BRCA2: variants seen among roughly 807,000 people sequenced by gnomAD.
The protein encoded by BRCA2 is BRCA2 DNA repair associated.
A neutral mutation model predicts 276.7 loss-of-function variants in BRCA2; 203 were observed. The observed-to-expected ratio is 0.73, with a 90% CI of 0.65 to 0.82. The LOEUF (loss-of-function observed/expected upper bound fraction) is 0.82. Ranked by LOEUF, BRCA2 falls within the 40% of genes least tolerant of loss-of-function variation. The pLI is 0.00. For missense variants in BRCA2, 3,920 were observed against 3,915.0 expected (o/e 1.00, Z -0.03); for synonymous variants, 1,289 against 1,338.4 (o/e 0.96, Z 0.81).
chr13:32,392,858 C>T (rs2073006941), intron 24 of BRCA2, among the ~76,000 whole-genome samples: 1 of 152,128 alleles, frequency 6.6e-6, no homozygotes. Flanking sequence ...TGCATTTAGT[C>T]ATTTTTCCCC....
intron 24 of BRCA2, among the ~76,000 whole-genome samples, chr13:32,389,458 G>A (rs577737629): frequency 2.6e-5 from 4 of 152,010 alleles, no homozygotes; most frequent in African/African-American, 9.6e-5. Context: ...TTTCTTTTAG[G>A]CAATTTTTGA....
At position 32,379,299 on chromosome 13, in the gene BRCA2, T is replaced by C. The variant is rs765765094; in HGVS notation, c.8755-18T>C. On this transcript the variant is annotated intron_variant, in intron 21 of 26. Transcript: ENST00000380152. ...TTGTTCTGATTGCTTTTTATTCCAA[T>C]ATCTTAAATGGTCACAGGGTTATTT... The C allele has an allele frequency of 2.7e-5, 44 of 1,612,850 alleles. 1 individual carries two copies. In the South Asian group the frequency reaches 4.8e-4, roughly 18 times the overall value.
At chr13:32,346,692 C>A in intron 12 of BRCA2, 135 bp from the exon 13 acceptor site, 1 of 622,538 alleles carries the variant, frequency 1.6e-6, no homozygotes. Context: ...TCATAGTTAA[C>A]ATTTATTGAG....
chr13:32,378,850 T>C (rs2072891560), intron 21 of BRCA2, among the ~76,000 whole-genome samples: 1 of 152,184 alleles, frequency 6.6e-6, no homozygotes. Context: ...GGAATTATAC[T>C]CCTGGGGCTA....
rs1443102794 is a variant in BRCA2, at chr13:32,339,516, A to G, written c.5161A>G (p.Asn1721Asp). The G allele has an allele frequency of 1.3e-6, 2 of 1,591,874 alleles. No homozygotes were observed. Among genetic ancestry groups the G allele is most frequent in the Admixed American group, 1.8e-5 (1 of 55,150 alleles). Residue 1721 changes from asparagine to aspartate, a missense_variant, in exon 11 of 27, where the codon AAC (asparagine) becomes GAC (aspartate). Physicochemically the swap from Asn to Asp is conservative, Grantham distance 23 (BLOSUM62 1). Around this residue, in one of 2 missense-constraint regions of BRCA2, gnomAD observed 3,263 missense variants for 3,156.9 expected, o/e 1.03. Coordinates refer to ENST00000380152, the MANE Select transcript of BRCA2 (RefSeq NM_000059.4). ...AAATTATTTGTATGAAAATAATTCA[A>G]ACAGTACTATAGCTGAAAATGACAA... ...VGNYLYENNS[N>D]STIAENDKNH... is the part of the protein sequence containing the mutation.
chr13:32,336,566 A>G lies in BRCA2; in HGVS notation c.2211A>G (p.Ala737=), dbSNP rs587780647. 1 of 1,614,108 alleles carries G rather than the reference A, an allele frequency of 6.2e-7. No individual in the cohort carries two copies. Among genetic ancestry groups the G allele is most frequent in the Non-Finnish European group, 8.5e-7 (1 of 1,179,982 alleles). The change falls in exon 11 of 27, where the codon GCA becomes GCG. Residue 737 remains alanine (A), a synonymous_variant. Coordinates refer to ENST00000380152, the MANE Select transcript of BRCA2 (RefSeq NM_000059.4). ...SDIKEEVLAA[A]CHPVQHSKVE... Reference sequence around the variant, plus strand: ...TAAAAGAAGAGGTCTTGGCTGCAGCATGTCACCCAGTACAACATTCAAAAG... The same window carrying G: ...TAAAAGAAGAGGTCTTGGCTGCAGCGTGTCACCCAGTACAACATTCAAAAG...
chr13:32,355,120 G>A lies in BRCA2; in HGVS notation c.7267G>A (p.Val2423Ile), dbSNP rs1393996926. Reference sequence around the variant, plus strand: ...ACATTTTCACAGAGTTGAACAGTGTGTTAGGAATATTAACTTGGAGGAAAA... The same window carrying A: ...ACATTTTCACAGAGTTGAACAGTGTATTAGGAATATTAACTTGGAGGAAAA... ...KSHFHRVEQC[V>I]RNINLEENRQ... Residue 2423 changes from valine (V) to isoleucine (I), a missense_variant, in exon 14 of 27, where the codon GTT becomes ATT. This residue lies in a region of BRCA2 where 3,263 missense variants were observed against 3,156.9 expected (regional missense o/e 1.03). Transcript: ENST00000380152. 4 of 1,613,262 alleles carry A rather than the reference G, an allele frequency of 2.5e-6. No individual in the cohort carries two copies. In the South Asian group the frequency reaches 3.3e-5, roughly 13 times the overall value.
chr13:32,392,160 A>G (rs2073001017), intron 24 of BRCA2, among the ~76,000 whole-genome samples: 1 of 152,256 alleles, frequency 6.6e-6, no homozygotes. Context: ...AAGAAAGAAA[A>G]GATGAACCAT....
At chr13:32,383,130 G>GTGGGTGTAATCCAGCACTT (rs1221921999) in intron 24 of BRCA2, among the ~76,000 whole-genome samples, 1 of 152,226 alleles carries the variant, frequency 6.6e-6, no homozygotes, top group East Asian at 1.9e-4. Context: ...GGAGGCCAAG[G>GTGGGTGTAATCCAGCACTT]TGGGTGGATC....
rs946482152 is a variant in BRCA2, at chr13:32,400,024, G to A, written c.*1254G>A. On this transcript the variant is annotated 3_prime_UTR_variant, in exon 27 of 27. Transcript: ENST00000380152. The stretch of plus-strand genomic sequence containing the variant: ...TGGTCTCAAACTCCTGATGTCAGGT[G>A]ATCCATCTGCCTCAGCCTCCCAAAG... 1 of 152,198 alleles carries A rather than the reference G, an allele frequency of 6.6e-6. No homozygotes were observed. Among genetic ancestry groups the A allele is most frequent in the African/African-American group, 2.4e-5 (1 of 41,420 alleles). The allele number at this position is 152,198 out of a possible 1,614,324, so 9.4% of individuals were successfully genotyped here. A position where few individuals can be genotyped will look rare whatever the true frequency, so the allele number is the denominator to read the frequency against.
At chr13:32,357,130 C>T (rs535425006) in intron 15 of BRCA2, among the ~76,000 whole-genome samples, 7 of 152,300 alleles carry the variant, frequency 4.6e-5, no homozygotes, top group African/African-American at 1.7e-4. Flanking sequence ...TCCTCACAGT[C>T]ACCTTGAAAG....
chr13:32,377,309 T>G (rs977444797), intron 21 of BRCA2, among the ~76,000 whole-genome samples: 4 of 152,170 alleles, frequency 2.6e-5, no homozygotes, highest in African/African-American at 9.7e-5. Flanking sequence ...ATAAAATAGC[T>G]GGCCAGGCGC....
intron 1 of BRCA2, 50 bp from the exon 2 acceptor site, chr13:32,316,369 CATA>C: frequency 8.8e-7 from 1 of 1,133,862 alleles, no homozygotes; most frequent in African/African-American, 1.6e-5. Flanking sequence ...ACCTCAGTCA[CATA>C]ATAAGGAATG....
At chr13:32,334,954 G>A (rs1002616286) in intron 10 of BRCA2, among the ~76,000 whole-genome samples, 1 of 152,214 alleles carries the variant, frequency 6.6e-6, no homozygotes, top group Admixed American at 6.5e-5. Flanking sequence ...GAATAGTAGA[G>A]TTGGTGAGAC....
At chr13:32,390,732 C>T (rs1327219358) in intron 24 of BRCA2, among the ~76,000 whole-genome samples, 2 of 152,180 alleles carry the variant, frequency 1.3e-5, no homozygotes, top group Admixed American at 1.3e-4. Context: ...CCTACCTGTA[C>T]ACTTCTGAAT....
In BRCA2 at chr13:32,326,116, A is replaced by G. The variant is rs80358676; in HGVS notation, c.441A>G (p.Gln147=). Reference sequence around the variant, plus strand: ...TTTATTTTAGTCCTGTTGTTCTACAATGTACACATGTAACACCACAAAGAG... The same window carrying G: ...TTTATTTTAGTCCTGTTGTTCTACAGTGTACACATGTAACACCACAAAGAG... The part of the protein sequence containing the change: ...SCLSESPVVL[Q]CTHVTPQRDK... The change falls in exon 5 of 27, where the codon CAA becomes CAG. Residue 147 remains glutamine, a synonymous_variant. Coordinates refer to ENST00000380152, the MANE Select transcript of BRCA2 (RefSeq NM_000059.4). 5.5e-5 allele frequency: 89 copies of G among 1,610,172 alleles called. No homozygotes were observed. Among genetic ancestry groups the G allele is most frequent in the Non-Finnish European group, 7.6e-5 (89 of 1,178,256 alleles).
chr13:32,373,392 G>A (rs1407556808), intron 20 of BRCA2, among the ~76,000 whole-genome samples: 1 of 151,898 alleles, frequency 6.6e-6, no homozygotes, highest in African/African-American at 2.4e-5. Context: ...TGTAATCCCA[G>A]CTATTCCAGA....
chr13:32,337,965 G>A lies in BRCA2; in HGVS notation c.3610G>A (p.Ala1204Thr), dbSNP rs1555283309. Residue 1204 changes from alanine (A) to threonine (T), a missense_variant, in exon 11 of 27, where the codon GCT becomes ACT. Around this residue, in one of 2 missense-constraint regions of BRCA2, gnomAD observed 3,263 missense variants for 3,156.9 expected, o/e 1.03. Transcript: ENST00000380152. ...GLLKNDCNKS[A>T]SGYLTDENEV... ...GTTGAAAAATGACTGTAACAAAAGTGCTTCTGGTTATTTAACAGATGAAAA... is the reference window on the plus strand; with the variant it reads ...GTTGAAAAATGACTGTAACAAAAGTACTTCTGGTTATTTAACAGATGAAAA... 2 of 1,613,970 alleles carry A rather than the reference G, an allele frequency of 1.2e-6. No individual in the cohort carries two copies. Among genetic ancestry groups the A allele is most frequent in the Non-Finnish European group, 1.7e-6 (2 of 1,179,902 alleles).
chr13:32,338,597 G>T lies in BRCA2; in HGVS notation c.4242G>T (p.Thr1414=), dbSNP rs750495335. The change falls in exon 11 of 27, where the codon ACG becomes ACT. Residue 1414 remains threonine (T), a synonymous_variant. Coordinates refer to ENST00000380152, the MANE Select transcript of BRCA2 (RefSeq NM_000059.4). Reference sequence around the variant, plus strand: ...AAGAACAGTTAACTGCTACTAAAACGGAGCAAAATATAAAAGATTTTGAGA... The same window carrying T: ...AAGAACAGTTAACTGCTACTAAAACTGAGCAAAATATAAAAGATTTTGAGA... The part of the protein sequence containing the change: ...SNKEQLTATK[T]EQNIKDFETS... 2.4e-5 allele frequency: 39 copies of T among 1,595,152 alleles called. No individual in the cohort carries two copies. Among genetic ancestry groups the T allele is most frequent in the Non-Finnish European group, 3.1e-5 (36 of 1,169,342 alleles).
Sources: gnomAD v4.1 joint callset for allele counts (sites outside exome capture counted in the v4.1 genomes callset) on GRCh38, gnomAD v4.1.1 for gene constraint, gnomAD v4.1.1 regional missense constraint, MANE v1.5 for transcripts, NCBI Gene and HGNC (gene_info 2026-07-23, HGNC 2026-07-21) for gene names.